Variants in FAM168A observed in about 807,000 individuals in gnomAD.
The protein encoded by FAM168A is family with sequence similarity 168 member A.
A neutral mutation model predicts 28.5 loss-of-function variants in FAM168A; 3 were observed. The ratio of observed to expected loss-of-function variants is 0.11; its 90% CI spans 0.05 to 0.27. The LOEUF (loss-of-function observed/expected upper bound fraction) is 0.27, where lower values mean the gene tolerates loss of function less well. Ranked by LOEUF, FAM168A falls within the 10% of genes least tolerant of loss-of-function variation. The pLI is 1.00. For missense variants in FAM168A, 222 were observed against 311.5 expected (o/e 0.71, Z 2.16); for synonymous variants, 122 against 124.2 (o/e 0.98, Z 0.12).
At chr11:73,445,419 CTTTTTTTTTTTT>C (rs56294455) in intron 2 of FAM168A, among the ~76,000 whole-genome samples, 50 of 50,464 alleles carry the variant, frequency 9.9e-4, no homozygotes, top group South Asian at 5.3e-3. Context: ...AAAAATGTCT[CTTTTTTTTTTTT>C]TTTTTTTTTT....
intron 1 of FAM168A, among the ~76,000 whole-genome samples, chr11:73,473,781 C>T (rs1404296832): frequency 6.6e-6 from 1 of 151,996 alleles, no homozygotes; most frequent in Non-Finnish European, 1.5e-5. Flanking sequence ...ATAGGTCCTC[C>T]ACATGCTGTT....
At chr11:73,426,974 T>C (rs1206498359) in intron 3 of FAM168A, among the ~76,000 whole-genome samples, 1 of 151,880 alleles carries the variant, frequency 6.6e-6, no homozygotes, top group Non-Finnish European at 1.5e-5. Flanking sequence ...GCTTATTTTT[T>C]GTTTGGAAAT....
At chr11:73,522,056 T>C (rs1464766937) in intron 1 of FAM168A, among the ~76,000 whole-genome samples, 1 of 152,164 alleles carries the variant, frequency 6.6e-6, no homozygotes, top group Non-Finnish European at 1.5e-5. Context: ...TAATGGAGCA[T>C]AGCTTGCACT....
At chr11:73,439,630 C>G (rs1426895938) in intron 2 of FAM168A, among the ~76,000 whole-genome samples, 3 of 152,024 alleles carry the variant, frequency 2.0e-5, no homozygotes, top group African/African-American at 7.3e-5. Context: ...TCTGCAGTTC[C>G]CTATCTGCTG....
At chr11:73,486,163 C>A (rs487958) in intron 1 of FAM168A, among the ~76,000 whole-genome samples, 73,534 of 152,018 alleles carry the variant, frequency 0.48, 19,413 homozygotes, top group African/African-American at 0.71. Context: ...TGAATACTCA[C>A]AACACTGGAG....
At chr11:73,407,305 GTTA>G (rs1269360088) in intron 7 of FAM168A, among the ~76,000 whole-genome samples, 2 of 152,282 alleles carry the variant, frequency 1.3e-5, no homozygotes, top group East Asian at 3.9e-4. Context: ...TATTATTTCT[GTTA>G]TTATTTAGAT....
At chr11:73,496,965 G>A (rs981407369) in intron 1 of FAM168A, among the ~76,000 whole-genome samples, 3 of 151,528 alleles carry the variant, frequency 2.0e-5, no homozygotes, top group South Asian at 2.1e-4. Flanking sequence ...ACTAAATCAG[G>A]ACACCTGGGA....
At chr11:73,418,485 G>A (rs540451129) in intron 4 of FAM168A, among the ~76,000 whole-genome samples, 2 of 152,334 alleles carry the variant, frequency 1.3e-5, no homozygotes, top group South Asian at 2.1e-4. Flanking sequence ...AGAACCGTAA[G>A]CCAATTAAAC....
At chr11:73,555,157 T>C (rs1180752406) in intron 1 of FAM168A, among the ~76,000 whole-genome samples, 3 of 152,170 alleles carry the variant, frequency 2.0e-5, no homozygotes. Context: ...TATTTCAGTG[T>C]TGCTAGAGTC....
intron 2 of FAM168A, among the ~76,000 whole-genome samples, chr11:73,448,517 T>C (rs924937188): frequency 2.0e-5 from 3 of 152,228 alleles, no homozygotes; most frequent in African/African-American, 7.2e-5. Context: ...ACTAACCCAA[T>C]GATCATTCCC....
chr11:73,432,938 G>GTCT (rs1386403525), intron 2 of FAM168A, among the ~76,000 whole-genome samples: 6 of 152,024 alleles, frequency 3.9e-5, no homozygotes, highest in Non-Finnish European at 7.4e-5. Context: ...AAGAGACAGG[G>GTCT]TCTTGTTCTA....
chr11:73,539,178 T>C (rs1384787126), intron 1 of FAM168A, among the ~76,000 whole-genome samples: 1 of 152,216 alleles, frequency 6.6e-6, no homozygotes, highest in African/African-American at 2.4e-5. Flanking sequence ...TGGTACAACA[T>C]TTAACTTAAA....
chr11:73,549,169 T>C (rs1212621275), intron 1 of FAM168A, among the ~76,000 whole-genome samples: 2 of 152,218 alleles, frequency 1.3e-5, no homozygotes, highest in East Asian at 3.9e-4. Context: ...CTCGAACTCC[T>C]GACCTCAGGT....
At chr11:73,441,160 G>A (rs1436176594) in intron 2 of FAM168A, among the ~76,000 whole-genome samples, 1 of 151,526 alleles carries the variant, frequency 6.6e-6, no homozygotes, top group African/African-American at 2.4e-5. Flanking sequence ...CCGGGTTCAA[G>A]CGATTCCCCT....
chr11:73,480,785 C>T (rs954573738), intron 1 of FAM168A, among the ~76,000 whole-genome samples: 1 of 152,180 alleles, frequency 6.6e-6, no homozygotes, highest in Non-Finnish European at 1.5e-5. Context: ...TAGTGGGATG[C>T]CAGAAACTCA....
chr11:73,502,904 T>C (rs773770789), intron 1 of FAM168A, among the ~76,000 whole-genome samples: 40 of 152,218 alleles, frequency 2.6e-4, no homozygotes, highest in African/African-American at 8.4e-4. Flanking sequence ...AAAAACCACA[T>C]GATTATCTCA....
At chr11:73,552,931 T>A (rs1224649919) in intron 1 of FAM168A, among the ~76,000 whole-genome samples, 1 of 152,182 alleles carries the variant, frequency 6.6e-6, no homozygotes, top group African/African-American at 2.4e-5. Context: ...CATTCCAGCC[T>A]GGGTGACAGA....
chr11:73,429,651 ATC>A (rs954101297), intron 3 of FAM168A, among the ~76,000 whole-genome samples: 7 of 152,064 alleles, frequency 4.6e-5, no homozygotes, highest in African/African-American at 1.7e-4. Context: ...ACTTCTTCAA[ATC>A]TCTGTTGTTC....
chr11:73,538,347 A>C (rs115700565), intron 1 of FAM168A, among the ~76,000 whole-genome samples: 2,579 of 152,186 alleles, frequency 0.017, 80 homozygotes, highest in African/African-American at 0.059. Context: ...AAAACAAAAA[A>C]AAAAAAGAGA....
Sources: gnomAD v4.1 joint callset for allele counts (sites outside exome capture counted in the v4.1 genomes callset) on GRCh38, gnomAD v4.1.1 for gene constraint, MANE v1.5 for transcripts, NCBI Gene and HGNC (gene_info 2026-07-23, HGNC 2026-07-21) for gene names.